SYNJ2: variants seen among roughly 807,000 people sequenced by gnomAD.
The protein encoded by SYNJ2 is synaptojanin 2, also known as polyphosphatidylinositol phosphatase SYNJ2.
In SYNJ2, 116 loss-of-function variants were observed where a neutral mutation model predicts 141.3. That is an observed-to-expected ratio of 0.82 (90% CI 0.71 to 0.96). The LOEUF (loss-of-function observed/expected upper bound fraction) is 0.96. SYNJ2 is among the 40% of genes least tolerant of loss of function. SYNJ2 has a pLI of 0.00. For missense variants in SYNJ2, 1,873 were observed against 1,934.8 expected (o/e 0.97, Z 0.60); for synonymous variants, 745 against 777.7 (o/e 0.96, Z 0.70).
At chr6:157,983,080 G>A (rs141752843) in intron 1 of SYNJ2, among the ~76,000 whole-genome samples, 2 of 152,340 alleles carry the variant, frequency 1.3e-5, no homozygotes, top group African/African-American at 4.8e-5. Flanking sequence ...GGTGCAGCCC[G>A]GGGTCACTCG....
At chr6:157,996,490 C>G (rs1029074203) in intron 1 of SYNJ2, among the ~76,000 whole-genome samples, 3 of 152,182 alleles carry the variant, frequency 2.0e-5, no homozygotes, top group Admixed American at 6.5e-5. Flanking sequence ...CCCACCATTT[C>G]CTGGGCTCAC....
chr6:158,089,862 T>A lies in SYNJ2; in HGVS notation c.3480T>A (p.Ser1160Arg). 1 of 1,613,832 alleles carries A rather than the reference T, an allele frequency of 6.2e-7. No homozygotes were observed. Among genetic ancestry groups the A allele is most frequent in the South Asian group, 1.1e-5 (1 of 91,048 alleles). Reference protein sequence around the residue: ...QQPPKARTGISKPYNVKQIKT... With the variant: ...QQPPKARTGIRKPYNVKQIKT... ...AGCCCAAGGCTCGGACTGGAATAAGTAAACCTTATAATGTCAAGCAGATCA... is the reference window on the plus strand; with the variant it reads ...AGCCCAAGGCTCGGACTGGAATAAGAAAACCTTATAATGTCAAGCAGATCA... Residue 1160 changes from serine to arginine, a missense_variant, in exon 25 of 27, where the codon AGT (serine) becomes AGA (arginine). Ser to Arg is a moderately radical substitution (Grantham distance 110, BLOSUM62 -1). Transcript: ENST00000355585.
intron 1 of SYNJ2, among the ~76,000 whole-genome samples, chr6:157,989,729 C>T (rs567642109): frequency 4.2e-4 from 64 of 152,082 alleles, no homozygotes; most frequent in African/African-American, 1.4e-3. Context: ...GAGGAAAGCG[C>T]CCCCCAGTGC....
chr6:158,004,120 CTCAGT>C (rs1351141925), intron 1 of SYNJ2, among the ~76,000 whole-genome samples: 1 of 152,170 alleles, frequency 6.6e-6, no homozygotes, highest in African/African-American at 2.4e-5. Flanking sequence ...AGGGAACCAG[CTCAGT>C]TAACCCTTGA....
At chr6:158,054,568 T>G (rs1411910177) in intron 5 of SYNJ2, among the ~76,000 whole-genome samples, 1 of 152,226 alleles carries the variant, frequency 6.6e-6, no homozygotes, top group Non-Finnish European at 1.5e-5. Flanking sequence ...TAGGGGGAAA[T>G]TAGTGTCCCT....
intron 5 of SYNJ2, among the ~76,000 whole-genome samples, chr6:158,051,220 A>G (rs117693298): frequency 6.6e-6 from 1 of 152,262 alleles, no homozygotes; most frequent in East Asian, 1.9e-4. Context: ...CCCATGGGGA[A>G]TGATCCTATA....
At chr6:158,006,222 C>A (rs1319790837) in intron 1 of SYNJ2, among the ~76,000 whole-genome samples, 1 of 152,154 alleles carries the variant, frequency 6.6e-6, no homozygotes, top group Non-Finnish European at 1.5e-5. Flanking sequence ...CACATGCGCA[C>A]ACACGTATGC....
chr6:158,086,965 C>A lies in SYNJ2; in HGVS notation c.3319C>A (p.Pro1107Thr), dbSNP rs1229490386. The A allele has an allele frequency of 4.7e-6, 4 of 845,302 alleles. No individual in the cohort carries two copies. Among genetic ancestry groups the A allele is most frequent in the East Asian group, 4.4e-5 (1 of 22,916 alleles). The allele number at this position is 845,302 out of a possible 1,614,324, so 52.4% of individuals were successfully genotyped here. The change falls in exon 23 of 27, where the codon CCC becomes ACC. Residue 1107 changes from proline (P) to threonine (T), a missense_variant. By Grantham distance (38) the Pro-to-Thr change is conservative. Coordinates refer to ENST00000355585, the MANE Select transcript of SYNJ2 (RefSeq NM_003898.4). The stretch of plus-strand genomic sequence containing the variant: ...CCCCAACCGGCCTCGGCCACCTCAA[C>A]CCCCGCAGAGACCCCCCCCTCCAAG... ...SVPNRPRPPQ[P>T]PQRPPPPTGL...
At chr6:157,984,165 T>C (rs775481477) in intron 1 of SYNJ2, among the ~76,000 whole-genome samples, 3 of 152,192 alleles carry the variant, frequency 2.0e-5, no homozygotes, top group Non-Finnish European at 2.9e-5. Context: ...TTAAAGTCTG[T>C]TTTGTTTAAG....
At position 158,095,935 on chromosome 6, in the gene SYNJ2, G is replaced by A; in HGVS notation, c.4062G>A (p.Gln1354=). The A allele has an allele frequency of 6.2e-7, 1 of 1,614,138 alleles. No homozygotes were observed. The highest frequency in any genetic ancestry group is 2.2e-5 in the East Asian group (1 of 44,884). Residue 1354 remains glutamine, a synonymous_variant, in exon 27 of 27, where the codon CAG becomes CAA. Transcript: ENST00000355585. ...FHLQVLQSNS[Q]LLQGLTYNSS... ...TGCAGGTCCTGCAGAGCAACAGCCAGCTTCTCCAGGGCCTCACTTACAATA... is the reference window on the plus strand; with the variant it reads ...TGCAGGTCCTGCAGAGCAACAGCCAACTTCTCCAGGGCCTCACTTACAATA...
At chr6:158,049,526 G>T (rs1318730548) in intron 5 of SYNJ2, among the ~76,000 whole-genome samples, 1 of 152,214 alleles carries the variant, frequency 6.6e-6, no homozygotes, top group African/African-American at 2.4e-5. Flanking sequence ...GCCTCACTGT[G>T]TTGCCTTTCC....
chr6:158,050,937 G>A (rs532527801), intron 5 of SYNJ2, among the ~76,000 whole-genome samples: 1 of 151,994 alleles, frequency 6.6e-6, no homozygotes, highest in Non-Finnish European at 1.5e-5. Flanking sequence ...ACACCCAATG[G>A]CATGTTGACT....
At chr6:158,069,969 T>C (rs371344254) in intron 14 of SYNJ2, among the ~76,000 whole-genome samples, 1 of 152,198 alleles carries the variant, frequency 6.6e-6, no homozygotes, top group Non-Finnish European at 1.5e-5. Context: ...GGGTTCCTTG[T>C]TGGAATCTTA....
chr6:158,017,713 C>T, intron 2 of SYNJ2: 3 of 525,538 alleles, frequency 5.7e-6, no homozygotes, highest in African/African-American at 1.9e-5. Context: ...CCGTGCCTGG[C>T]CGACCTCTCT....
At chr6:158,008,141 C>T (rs752858839) in intron 1 of SYNJ2, among the ~76,000 whole-genome samples, 1 of 152,084 alleles carries the variant, frequency 6.6e-6, no homozygotes, top group Admixed American at 6.5e-5. Flanking sequence ...GCTTTGTCAC[C>T]TCCATTGTGG....
chr6:157,996,205 G>A (rs767780560), intron 1 of SYNJ2, among the ~76,000 whole-genome samples: 18 of 152,082 alleles, frequency 1.2e-4, no homozygotes, highest in Non-Finnish European at 1.9e-4. Context: ...GGTAATAAAA[G>A]CCTGTGAGTC....
At chr6:158,006,345 C>T (rs1778070439) in intron 1 of SYNJ2, among the ~76,000 whole-genome samples, 1 of 152,154 alleles carries the variant, frequency 6.6e-6, no homozygotes, top group Non-Finnish European at 1.5e-5. Context: ...GTTTTTGCCC[C>T]TCAACTTTAC....
At chr6:157,983,072 T>G (rs1038334758) in intron 1 of SYNJ2, among the ~76,000 whole-genome samples, 1 of 152,196 alleles carries the variant, frequency 6.6e-6, no homozygotes, top group East Asian at 1.9e-4. Context: ...CTAAACAAGG[T>G]GCAGCCCGGG....
chr6:158,076,504 A>C (rs969840402), intron 16 of SYNJ2, 122 bp from the exon 17 acceptor site: 19 of 1,141,032 alleles, frequency 1.7e-5, no homozygotes, highest in Non-Finnish European at 2.3e-5. Flanking sequence ...TAGATTTTCA[A>C]ATGTAATGGA....
Sources: allele counts gnomAD v4.1 joint callset (sites outside exome capture counted in the v4.1 genomes callset), GRCh38; gene constraint gnomAD v4.1.1; transcripts MANE v1.5; gene names NCBI Gene and HGNC (gene_info 2026-07-23, HGNC 2026-07-21).